Variants in PDCD1LG2 observed in about 807,000 individuals in gnomAD.
The protein encoded by PDCD1LG2 is programmed cell death 1 ligand 2, also known as B7 dendritic cell molecule.
A neutral mutation model predicts 28.2 loss-of-function variants in PDCD1LG2; 32 were observed. That is an observed-to-expected ratio of 1.13 (90% confidence interval 0.86 to 1.52). PDCD1LG2 has a LOEUF of 1.52. Among genes scored for constraint, PDCD1LG2 ranks in the 40% most tolerant of loss-of-function variants. The pLI, the probability that PDCD1LG2 is intolerant of heterozygous loss-of-function variation, is 0.00. For synonymous variants in PDCD1LG2, 116 were observed against 120.2 expected (o/e 0.97, Z 0.23); for missense variants, 385 against 323.8 (o/e 1.19, Z -1.45).
chr9:5,520,387 A>G (rs1820250498), intron 1 of PDCD1LG2, among the ~76,000 whole-genome samples: 1 of 152,226 alleles, frequency 6.6e-6, no homozygotes, highest in African/African-American at 2.4e-5. Flanking sequence ...GAATGCCCAC[A>G]ATCAGTAGAA....
At chr9:5,535,475 G>A (rs765244672) in intron 3 of PDCD1LG2, among the ~76,000 whole-genome samples, 1 of 152,126 alleles carries the variant, frequency 6.6e-6, no homozygotes, top group Non-Finnish European at 1.5e-5. Flanking sequence ...TATCAATTTA[G>A]TGAGTAGCAA....
intron 3 of PDCD1LG2, 125 bp downstream of exon 3, chr9:5,535,175 T>C: frequency 2.3e-6 from 2 of 859,970 alleles, no homozygotes; most frequent in South Asian, 3.7e-5. Context: ...AGACAGCTAT[T>C]TCAGAGAAAA....
At chr9:5,531,230 C>T (rs1015361282) in intron 2 of PDCD1LG2, among the ~76,000 whole-genome samples, 1 of 152,182 alleles carries the variant, frequency 6.6e-6, no homozygotes, top group Non-Finnish European at 1.5e-5. Context: ...TGAGAAAAAA[C>T]CTCTTCATAG....
intron 1 of PDCD1LG2, among the ~76,000 whole-genome samples, chr9:5,516,019 G>C (rs1337001733): frequency 2.0e-5 from 3 of 151,304 alleles, no homozygotes; most frequent in Non-Finnish European, 2.9e-5. Context: ...CCCAATGTCT[G>C]TTCAAGTCTG....
At chr9:5,557,363 T>C (rs1388174380) in intron 4 of PDCD1LG2, among the ~76,000 whole-genome samples, 2 of 152,194 alleles carry the variant, frequency 1.3e-5, no homozygotes, top group African/African-American at 4.8e-5. Flanking sequence ...CTATGTAACT[T>C]AGGGAAAGCT....
chr9:5,562,387 A>G (rs1237312379), intron 5 of PDCD1LG2, among the ~76,000 whole-genome samples: 1 of 152,230 alleles, frequency 6.6e-6, no homozygotes, highest in African/African-American at 2.4e-5. Flanking sequence ...TAACTCAGGA[A>G]TGGAAAACCA....
intron 6 of PDCD1LG2, among the ~76,000 whole-genome samples, chr9:5,568,021 G>T (rs1586824296): frequency 1.3e-5 from 2 of 151,984 alleles, no homozygotes; most frequent in African/African-American, 4.8e-5. Context: ...CATTCCACAT[G>T]GGTGTGTTTC....
At chr9:5,518,264 G>A (rs1043392248) in intron 1 of PDCD1LG2, among the ~76,000 whole-genome samples, 2 of 152,226 alleles carry the variant, frequency 1.3e-5, no homozygotes, top group African/African-American at 2.4e-5. Context: ...TTTCCCCAGA[G>A]GAGGATTAGT....
Position 5,511,373 on chromosome 9 carries a change from G to A in PDCD1LG2, c.-15+570G>A, listed in dbSNP as rs560310886. Among the ~76,000 whole-genome samples, 301 of 152,250 alleles carry A rather than the reference G, an allele frequency of 2.0e-3. 3 individuals carry two copies. The highest frequency in any genetic ancestry group is 7.0e-3 in the African/African-American group (290 of 41,554). ...ATTCTTTCCATATAAAATGATCAGCGAAAAGGTAGAAAAATTAAACAGAAC... is the reference window on the plus strand; with the variant it reads ...ATTCTTTCCATATAAAATGATCAGCAAAAAGGTAGAAAAATTAAACAGAAC... On this transcript the variant is annotated intron_variant, in intron 1 of 6. Transcript: ENST00000397747.
In PDCD1LG2 at chr9:5,569,963, T is replaced by A. The variant is rs1223019702; in HGVS notation, c.*4T>A. 6.2e-7 allele frequency: 1 copy of A among 1,614,082 alleles called. No individual in the cohort carries two copies. Among genetic ancestry groups the A allele is most frequent in the Non-Finnish European group, 8.5e-7 (1 of 1,179,914 alleles). On this transcript the variant is annotated 3_prime_UTR_variant, in exon 7 of 7. Coordinates refer to ENST00000397747, the MANE Select transcript of PDCD1LG2 (RefSeq NM_025239.4). The surrounding 1 kb of genome is among the most constrained non-coding windows in gnomAD (Gnocchi z 4.1). ...GGGCTTTTCTCCCCAGATCTGAACC[T>A]GTGGTCTTGGGAGCCAGGGTGACCT...
chr9:5,532,810 A>C (rs1487409909), intron 2 of PDCD1LG2, among the ~76,000 whole-genome samples: 1 of 152,224 alleles, frequency 6.6e-6, no homozygotes, highest in Non-Finnish European at 1.5e-5. Context: ...ACATGGTACG[A>C]AAGAAAGGAA....
intron 3 of PDCD1LG2, among the ~76,000 whole-genome samples, chr9:5,539,631 G>A (rs992987387): frequency 5.9e-5 from 9 of 152,190 alleles, no homozygotes; most frequent in East Asian, 1.9e-4. Context: ...AGGAAGGGGC[G>A]GGAGCATGGC....
At chr9:5,539,347 G>C (rs1820645606) in intron 3 of PDCD1LG2, among the ~76,000 whole-genome samples, 1 of 152,130 alleles carries the variant, frequency 6.6e-6, no homozygotes. Flanking sequence ...GCCCCAATGA[G>C]GGTTCCCATG....
At chr9:5,559,817 G>A (rs866602163) in intron 5 of PDCD1LG2, among the ~76,000 whole-genome samples, 10 of 152,220 alleles carry the variant, frequency 6.6e-5, no homozygotes, top group Middle Eastern at 3.4e-3. Context: ...AAGTTCCAAC[G>A]AGCCCAGGAT....
chr9:5,516,882 G>A (rs1403962854), intron 1 of PDCD1LG2, among the ~76,000 whole-genome samples: 1 of 152,186 alleles, frequency 6.6e-6, no homozygotes, highest in Non-Finnish European at 1.5e-5. Context: ...GGGACTTCCT[G>A]GGCCCCTGAG....
At chr9:5,521,879 G>A (rs906415984) in intron 1 of PDCD1LG2, among the ~76,000 whole-genome samples, 3 of 152,258 alleles carry the variant, frequency 2.0e-5, no homozygotes, top group Non-Finnish European at 4.4e-5. Context: ...GATAAAGAAA[G>A]CTTCAGAGTA....
At chr9:5,513,391 G>C (rs190545614) in intron 1 of PDCD1LG2, among the ~76,000 whole-genome samples, 1 of 152,276 alleles carries the variant, frequency 6.6e-6, no homozygotes, top group Non-Finnish European at 1.5e-5. Context: ...TCAACTTCTA[G>C]GGCTTTTGCA....
chr9:5,522,453 CCT>C (rs1820293565), intron 1 of PDCD1LG2, 78 bp from the exon 2 acceptor site: 4 of 1,065,188 alleles, frequency 3.8e-6, no homozygotes, highest in African/African-American at 3.2e-5. Flanking sequence ...TTGTTATTCC[CCT>C]GTTTTCAAAA....
chr9:5,515,795 C>T (rs776163163), intron 1 of PDCD1LG2, among the ~76,000 whole-genome samples: 11 of 151,442 alleles, frequency 7.3e-5, no homozygotes, highest in East Asian at 2.0e-4. Context: ...CAGTTGTGCA[C>T]GCCTGTTGTC....
Sources: allele counts gnomAD v4.1 joint callset (sites outside exome capture counted in the v4.1 genomes callset), GRCh38; gene constraint gnomAD v4.1.1; non-coding constraint Gnocchi (gnomAD v3.1); transcripts MANE v1.5; gene names NCBI Gene and HGNC (gene_info 2026-07-23, HGNC 2026-07-21).